UNC79: variants seen among roughly 807,000 people sequenced by gnomAD.
UNC79 encodes protein unc-79 homolog.
UNC79 carries 37 observed loss-of-function variants against 283.1 expected under a neutral mutation model. The ratio of observed to expected loss-of-function variants is 0.13; its 90% confidence interval spans 0.10 to 0.17. The LOEUF is 0.17. Among genes scored for constraint, UNC79 ranks in the 10% least tolerant of loss-of-function variants. UNC79 has a pLI of 1.00. For synonymous variants in UNC79, 1,107 were observed against 1,200.2 expected, an observed-to-expected ratio of 0.92 and a Z score of 1.61; for missense variants, 2,272 against 3,211.1, an observed-to-expected ratio of 0.71 and a Z score of 7.07.
chr14:93,626,959 G>A (rs55648316), intron 30 of UNC79, among the ~76,000 whole-genome samples: 5,381 of 152,240 alleles, frequency 0.035, 261 homozygotes, highest in African/African-American at 0.11. Context: ...TGAAGCAGGA[G>A]GATCTCTTGA....
intron 41 of UNC79, among the ~76,000 whole-genome samples, chr14:93,674,918 A>C (rs146395886): frequency 1.3e-5 from 2 of 152,216 alleles, no homozygotes; most frequent in Non-Finnish European, 2.9e-5. Flanking sequence ...TATAACACAC[A>C]GCCTTGACAG....
At chr14:93,496,737 A>G (rs1204232555) in intron 6 of UNC79, among the ~76,000 whole-genome samples, 9 of 152,188 alleles carry the variant, frequency 5.9e-5, no homozygotes, top group Admixed American at 5.2e-4. Context: ...ATGACAAACA[A>G]TTTTATTTAA....
At chr14:93,696,465 A>G (rs1448806075) in intron 47 of UNC79, among the ~76,000 whole-genome samples, 2 of 152,218 alleles carry the variant, frequency 1.3e-5, no homozygotes, top group Non-Finnish European at 2.9e-5. Context: ...GTTCCCCCAC[A>G]TCTTTGTCAA....
intron 40 of UNC79, among the ~76,000 whole-genome samples, chr14:93,664,873 A>T (rs1403578021): frequency 6.6e-6 from 1 of 152,146 alleles, no homozygotes; most frequent in Non-Finnish European, 1.5e-5. Flanking sequence ...TCTCCAACCT[A>T]GGCCCAGCAG....
chr14:93,663,915 ATGTTGTACACTG>A (rs1390353162), intron 40 of UNC79, among the ~76,000 whole-genome samples: 4,150 of 152,246 alleles, frequency 0.027, 203 homozygotes, highest in African/African-American at 0.095. Context: ...TATACTTTCT[ATGTTGTACACTG>A]TAGATATTGA....
At chr14:93,375,932 G>C (rs1302918755) in intron 1 of UNC79, among the ~76,000 whole-genome samples, 1 of 138,156 alleles carries the variant, frequency 7.2e-6, no homozygotes, top group African/African-American at 2.8e-5. Context: ...CTTATAAAAA[G>C]AGGAAGCGAG....
intron 12 of UNC79, 23 bp downstream of exon 12, chr14:93,538,241 C>A: frequency 6.6e-7 from 1 of 1,521,706 alleles, no homozygotes; most frequent in Non-Finnish European, 8.8e-7. Context: ...TTCTTAGTAG[C>A]TGCCTCTGAC....
At chr14:93,413,433 C>A (rs1335630488) in intron 1 of UNC79, among the ~76,000 whole-genome samples, 5 of 150,232 alleles carry the variant, frequency 3.3e-5, no homozygotes, top group African/African-American at 4.9e-5. Flanking sequence ...TCATTGTTGG[C>A]CATTTGGGTT....
chr14:93,642,172 C>G (rs1341567427), intron 33 of UNC79, among the ~76,000 whole-genome samples: 2 of 152,036 alleles, frequency 1.3e-5, no homozygotes, highest in African/African-American at 4.8e-5. Flanking sequence ...TGCCTGTAAT[C>G]CCAGCACTTT....
chr14:93,672,463 A>C (rs374644285), intron 40 of UNC79, among the ~76,000 whole-genome samples: 16 of 152,180 alleles, frequency 1.1e-4, no homozygotes, highest in African/African-American at 3.4e-4. Flanking sequence ...CTAAAAAAAG[A>C]TTGATTTCAT....
At chr14:93,511,960 A>T (rs919637047) in intron 7 of UNC79, among the ~76,000 whole-genome samples, 1 of 151,928 alleles carries the variant, frequency 6.6e-6, no homozygotes, top group Non-Finnish European at 1.5e-5. Context: ...ATTTTTTTCT[A>T]ATTATCCATT....
At position 93,477,694 on chromosome 14, in the gene UNC79, A is replaced by C. The variant is rs142058669; in HGVS notation, c.585A>C (p.Glu195Asp). The C allele has an allele frequency of 5.0e-6, 8 of 1,613,256 alleles. No homozygotes were observed. The highest frequency in any genetic ancestry group is 2.2e-5 in the South Asian group (2 of 90,988). The change falls in exon 4 of 49, where the codon GAA becomes GAC. Residue 195 changes from glutamate (E) to aspartate (D), a missense_variant. Around this residue, in one of 11 missense-constraint regions of UNC79, gnomAD observed 194 missense variants for 268.9 expected, o/e 0.72. Transcript: ENST00000555664. ...CATTTCTGCACAAGGATATCATTGA[A>C]TATCTTAGCACATCTTTTCTACCAA...
chr14:93,643,540 C>T lies in UNC79; in HGVS notation c.5904-17C>T. On this transcript the variant is annotated splice_polypyrimidine_tract_variant and intron_variant, in intron 33 of 48. Transcript: ENST00000555664. ...GTTCTTTCTTTCATGGAAAGCATGTCTCTCTTTTCTTTGCAGATGCCATGA... is the reference window on the plus strand; with the variant it reads ...GTTCTTTCTTTCATGGAAAGCATGTTTCTCTTTTCTTTGCAGATGCCATGA... 2 of 1,613,724 alleles carry T rather than the reference C, an allele frequency of 1.2e-6. No individual in the cohort carries two copies. The highest frequency in any genetic ancestry group is 1.7e-6 in the Non-Finnish European group (2 of 1,180,022).
At chr14:93,609,906 G>A (rs1196942183) in intron 26 of UNC79, among the ~76,000 whole-genome samples, 1 of 152,134 alleles carries the variant, frequency 6.6e-6, no homozygotes, top group Non-Finnish European at 1.5e-5. Context: ...TAGAATAAAA[G>A]GAGATTAACA....
intron 14 of UNC79, among the ~76,000 whole-genome samples, chr14:93,566,246 G>C (rs2062872184): frequency 6.6e-6 from 1 of 152,110 alleles, no homozygotes; most frequent in African/African-American, 2.4e-5. Context: ...AGACTCTTTG[G>C]CTCCCCATGT....
At chr14:93,489,475 C>T (rs2058618521) in intron 5 of UNC79, among the ~76,000 whole-genome samples, 1 of 152,158 alleles carries the variant, frequency 6.6e-6, no homozygotes, top group South Asian at 2.1e-4. Context: ...AAGTTATATG[C>T]CTCCAATATA....
intron 1 of UNC79, among the ~76,000 whole-genome samples, chr14:93,346,185 C>A (rs1206875231): frequency 6.6e-6 from 1 of 151,932 alleles, no homozygotes; most frequent in Non-Finnish European, 1.5e-5. Flanking sequence ...GAAAAGAAAT[C>A]TAAGAAAGAG....
intron 7 of UNC79, among the ~76,000 whole-genome samples, chr14:93,514,058 C>T (rs1423431443): frequency 6.6e-6 from 1 of 152,010 alleles, no homozygotes; most frequent in African/African-American, 2.4e-5. Flanking sequence ...GCAATTTAAG[C>T]CTGAAGTAAG....
At chr14:93,627,345 T>G (rs1326641983) in intron 30 of UNC79, among the ~76,000 whole-genome samples, 1 of 152,198 alleles carries the variant, frequency 6.6e-6, no homozygotes, top group Non-Finnish European at 1.5e-5. Flanking sequence ...CCTTTAGATA[T>G]TGTCTGTATG....
Sources: allele counts gnomAD v4.1 joint callset (sites outside exome capture counted in the v4.1 genomes callset), GRCh38; gene constraint gnomAD v4.1.1; regional missense constraint gnomAD v4.1.1; transcripts MANE v1.5; gene names NCBI Gene and HGNC (gene_info 2026-07-23, HGNC 2026-07-21).